Variants in SEPTIN9 observed in about 807,000 individuals in gnomAD.
SEPTIN9 encodes septin-9.
In SEPTIN9, 13 loss-of-function variants were observed where a neutral mutation model predicts 56.6. That is an observed-to-expected ratio of 0.23 (90% CI 0.15 to 0.37). The LOEUF (loss-of-function observed/expected upper bound fraction) is 0.37. SEPTIN9 is among the 10% of genes least tolerant of loss of function. SEPTIN9 has a pLI of 1.00. For missense variants in SEPTIN9, 650 were observed against 823.1 expected, an observed-to-expected ratio of 0.79 and a Z score of 2.57; for synonymous variants, 332 against 334.1, an observed-to-expected ratio of 0.99 and a Z score of 0.07.
chr17:77,377,899 G>A (rs554332289), intron 2 of SEPTIN9, among the ~76,000 whole-genome samples: 15 of 152,324 alleles, frequency 9.8e-5, no homozygotes, highest in African/African-American at 3.6e-4. Flanking sequence ...TTTTGTGGTG[G>A]GAGGCAGGAG....
chr17:77,291,331 G>A (rs1270268592), intron 1 of SEPTIN9, among the ~76,000 whole-genome samples: 1 of 151,006 alleles, frequency 6.6e-6, no homozygotes. Flanking sequence ...ACCGCGCCTG[G>A]CATGCCTGGC....
chr17:77,499,727 A>C lies in SEPTIN9; in HGVS notation c.*1069A>C. 3.0e-6 allele frequency: 1 copy of C among 336,304 alleles called. No homozygotes were observed. The highest frequency in any genetic ancestry group is 5.6e-6 in the Non-Finnish European group (1 of 179,698). The allele number at this position is 336,304 out of a possible 1,614,324, so 20.8% of individuals were successfully genotyped here. ...CCAAGACTGGGCTGTAGTTACATTA[A>C]TGCCCAGCCAGCCACCCCTGCCACT... On this transcript the variant is annotated 3_prime_UTR_variant, in exon 12 of 12. Transcript: ENST00000427177.
intron 1 of SEPTIN9, among the ~76,000 whole-genome samples, chr17:77,294,115 A>AC (rs1425977636): frequency 1.9e-4 from 29 of 150,604 alleles, no homozygotes; most frequent in African/African-American, 6.9e-4. Flanking sequence ...AAAAAAAAAA[A>AC]AAAACAACAA....
At chr17:77,379,745 C>T (rs1598280843) in intron 2 of SEPTIN9, among the ~76,000 whole-genome samples, 1 of 152,318 alleles carries the variant, frequency 6.6e-6, no homozygotes, top group African/African-American at 2.4e-5. Context: ...TCTGAAGTCT[C>T]CTTGGTGTAT....
At chr17:77,294,990 A>G (rs2031743377) in intron 1 of SEPTIN9, 1 of 152,188 alleles carries the variant, frequency 6.6e-6, no homozygotes, top group African/African-American at 2.4e-5. Flanking sequence ...AATGGGAACT[A>G]CATAAATATA....
At chr17:77,290,090 C>T (rs1239949378) in intron 1 of SEPTIN9, among the ~76,000 whole-genome samples, 2 of 152,048 alleles carry the variant, frequency 1.3e-5, no homozygotes, top group Non-Finnish European at 2.9e-5. Flanking sequence ...TAGGGAACCA[C>T]CCTCTCCCCA....
At chr17:77,348,749 T>A in intron 2 of SEPTIN9, among the ~76,000 whole-genome samples, 1 of 152,248 alleles carries the variant, frequency 6.6e-6, no homozygotes, top group East Asian at 1.9e-4. Flanking sequence ...GGCAATCCTA[T>A]GGGTTCATTT....
At chr17:77,391,344 C>A (rs1484473645) in intron 2 of SEPTIN9, among the ~76,000 whole-genome samples, 1 of 152,088 alleles carries the variant, frequency 6.6e-6, no homozygotes, top group African/African-American at 2.4e-5. Context: ...TGGGGGCTTA[C>A]AAACATAGCT....
chr17:77,362,023 TCA>T (rs2034435039), intron 2 of SEPTIN9, among the ~76,000 whole-genome samples: 1 of 152,210 alleles, frequency 6.6e-6, no homozygotes, highest in South Asian at 2.1e-4. Flanking sequence ...TTTCCTACCC[TCA>T]GTGTTGGGGG....
At chr17:77,309,606 C>G (rs1013110871) in intron 2 of SEPTIN9, among the ~76,000 whole-genome samples, 18 of 152,164 alleles carry the variant, frequency 1.2e-4, no homozygotes, top group Admixed American at 3.3e-4. Context: ...ATGTCTGGGA[C>G]TCTTGCCCTC....
intron 2 of SEPTIN9, among the ~76,000 whole-genome samples, chr17:77,339,886 C>T (rs570780670): frequency 2.0e-5 from 3 of 151,952 alleles, no homozygotes; most frequent in East Asian, 1.9e-4. Context: ...AGTGCAGCAG[C>T]GCTATCTCAG....
intron 4 of SEPTIN9, among the ~76,000 whole-genome samples, chr17:77,485,760 A>G (rs930699719): frequency 6.6e-6 from 1 of 152,076 alleles, no homozygotes; most frequent in Non-Finnish European, 1.5e-5. Context: ...TCCCAGCACC[A>G]GCCTCTGTCC....
chr17:77,377,401 C>G (rs2034971336), intron 2 of SEPTIN9, among the ~76,000 whole-genome samples: 1 of 152,130 alleles, frequency 6.6e-6, no homozygotes, highest in Non-Finnish European at 1.5e-5. Context: ...CTTTGTGTAA[C>G]AAAAGCCTTT....
At chr17:77,344,187 A>C (rs1413835968) in intron 2 of SEPTIN9, among the ~76,000 whole-genome samples, 1 of 152,112 alleles carries the variant, frequency 6.6e-6, no homozygotes, top group Non-Finnish European at 1.5e-5. Flanking sequence ...CACAAAACAA[A>C]AAAAAACAAC....
chr17:77,309,726 CACTT>C (rs2032409342), intron 2 of SEPTIN9, among the ~76,000 whole-genome samples: 1 of 150,348 alleles, frequency 6.7e-6, no homozygotes, highest in Admixed American at 6.6e-5. Flanking sequence ...TCAGCTCACA[CACTT>C]TCTTTCCTTT....
chr17:77,338,576 G>A (rs1366458494), intron 2 of SEPTIN9, among the ~76,000 whole-genome samples: 3 of 152,008 alleles, frequency 2.0e-5, no homozygotes, highest in Non-Finnish European at 2.9e-5. Context: ...CTGCCACCAC[G>A]CCTGGCTAAT....
At chr17:77,289,444 T>C (rs1385694498) in intron 1 of SEPTIN9, among the ~76,000 whole-genome samples, 2 of 145,916 alleles carry the variant, frequency 1.4e-5, no homozygotes, top group African/African-American at 5.1e-5. Flanking sequence ...GTTTCGCTCT[T>C]GTTGCCCAGG....
chr17:77,453,121 T>G lies in SEPTIN9; in HGVS notation c.722-29023T>G, dbSNP rs2038049062. Among the ~76,000 whole-genome samples the G allele has an allele frequency of 6.6e-6, 1 of 151,922 alleles. No homozygotes were observed. The highest frequency in any genetic ancestry group is 1.5e-5 in the Non-Finnish European group (1 of 67,982). On this transcript the variant is annotated intron_variant, in intron 3 of 11. Coordinates refer to ENST00000427177, the MANE Select transcript of SEPTIN9 (RefSeq NM_001113491.2). The surrounding 1 kb of genome is among the most constrained non-coding windows in gnomAD (Gnocchi z 4.4). ...AGCCCCCGCCCCTGTAGGCTGTCATTGTGATGGTGATGGGGCCAATTCAGC... is the reference window on the plus strand; with the variant it reads ...AGCCCCCGCCCCTGTAGGCTGTCATGGTGATGGTGATGGGGCCAATTCAGC...
chr17:77,296,714 G>T (rs185473797), intron 1 of SEPTIN9, among the ~76,000 whole-genome samples: 17 of 152,260 alleles, frequency 1.1e-4, no homozygotes, highest in African/African-American at 3.9e-4. Flanking sequence ...TTAGCTGGGC[G>T]TGGTGGTGCA....
Sources: gnomAD v4.1 joint callset for allele counts (sites outside exome capture counted in the v4.1 genomes callset) on GRCh38, gnomAD v4.1.1 for gene constraint, Gnocchi (gnomAD v3.1) non-coding constraint, MANE v1.5 for transcripts, NCBI Gene and HGNC (gene_info 2026-07-23, HGNC 2026-07-21) for gene names.